The following UVRAG variants were observed in gnomAD, a reference collection of about 807,000 sequenced individuals.
UVRAG encodes the protein UV radiation resistance associated, also known as UV radiation resistance-associated gene protein.
Under a neutral mutation model 78.0 loss-of-function variants are expected in UVRAG, and 19 were observed. The ratio of observed to expected loss-of-function variants is 0.24; its 90% CI spans 0.17 to 0.36. The LOEUF (loss-of-function observed/expected upper bound fraction) is 0.36. Ranked by LOEUF, UVRAG falls within the 10% of genes least tolerant of loss-of-function variation. The probability of loss-of-function intolerance (pLI) is 1.00; values close to 1 mark genes in which losing one functional copy is unlikely to be tolerated. For missense variants in UVRAG, 740 were observed against 853.8 expected, an observed-to-expected ratio of 0.87 and a Z score of 1.66; for synonymous variants, 323 against 324.6, an observed-to-expected ratio of 1.00 and a Z score of 0.05.
intron 12 of UVRAG, 98 bp downstream of exon 12, chr11:76,017,078 C>T: frequency 1.1e-6 from 1 of 878,292 alleles, no homozygotes; most frequent in Non-Finnish European, 1.6e-6. Flanking sequence ...ATTATGACAA[C>T]TTTTATATAA....
chr11:75,882,378 C>T (rs1022895406), intron 4 of UVRAG, among the ~76,000 whole-genome samples: 4 of 151,766 alleles, frequency 2.6e-5, no homozygotes, highest in African/African-American at 9.7e-5. Flanking sequence ...CTGGGCACAG[C>T]GGCATGTGCC....
intron 13 of UVRAG, among the ~76,000 whole-genome samples, chr11:76,088,768 C>T (rs754393502): frequency 2.6e-5 from 4 of 152,222 alleles, no homozygotes; most frequent in Non-Finnish European, 5.9e-5. Flanking sequence ...AACTTCTCTT[C>T]TGTGAAGCCT....
At chr11:75,815,673 G>A in intron 1 of UVRAG, 149 bp downstream of exon 1, 1 of 436,342 alleles carries the variant, frequency 2.3e-6, no homozygotes. Context: ...CAGGAGGTTT[G>A]TGCGGGGAGG....
chr11:75,929,434 G>A (rs530362116), intron 6 of UVRAG, among the ~76,000 whole-genome samples: 3 of 152,220 alleles, frequency 2.0e-5, no homozygotes, highest in East Asian at 1.9e-4. Flanking sequence ...TGTTTTATGA[G>A]TAGGTGCCCA....
chr11:75,892,226 C>A, intron 5 of UVRAG: 1 of 544,062 alleles, frequency 1.8e-6, no homozygotes, highest in Non-Finnish European at 2.3e-6. Context: ...TTAAGCCAGT[C>A]ACACACAGGT....
chr11:75,915,385 C>A (rs1013448311), intron 6 of UVRAG, among the ~76,000 whole-genome samples: 4 of 152,174 alleles, frequency 2.6e-5, no homozygotes, highest in African/African-American at 9.7e-5. Flanking sequence ...CAAAGATTAG[C>A]AGTTCTTTCC....
At chr11:76,097,285 C>T (rs1371978600) in intron 13 of UVRAG, among the ~76,000 whole-genome samples, 1 of 152,188 alleles carries the variant, frequency 6.6e-6, no homozygotes, top group Non-Finnish European at 1.5e-5. Flanking sequence ...TGCTGCTCCT[C>T]TAGTAACCTA....
At chr11:75,829,117 G>A (rs1366572629) in intron 1 of UVRAG, among the ~76,000 whole-genome samples, 2 of 151,970 alleles carry the variant, frequency 1.3e-5, no homozygotes, top group Non-Finnish European at 2.9e-5. Flanking sequence ...CCAACGTCAG[G>A]CTGAAGCATA....
At chr11:75,938,226 A>G (rs578100320) in intron 6 of UVRAG, among the ~76,000 whole-genome samples, 2 of 152,048 alleles carry the variant, frequency 1.3e-5, no homozygotes, top group African/African-American at 2.4e-5. Context: ...AAAATTTTCA[A>G]TGTCACTATA....
rs552764699 is a variant in UVRAG, at chr11:75,816,248, T to C, written c.117+724T>C. ...AAGGGCTTTGAGGACTTCTTGGCTC[T>C]GCGTTGTAGGAAGATAAGAAGGGGG... is the stretch of plus-strand genomic sequence containing the variant. On this transcript the variant is annotated intron_variant, in intron 1 of 14. Transcript: ENST00000356136. 3.6e-4 allele frequency among the ~76,000 whole-genome samples: 55 copies of C among 152,328 alleles called. 1 individual carries two copies. Among genetic ancestry groups the C allele is most frequent in the African/African-American group, 1.3e-3 (54 of 41,582 alleles).
intron 11 of UVRAG, chr11:76,012,905 G>A (rs1345009538): frequency 6.6e-6 from 1 of 151,726 alleles, no homozygotes; most frequent in Non-Finnish European, 1.5e-5. Context: ...ATTTCCTTCT[G>A]TGTCTGTATC....
chr11:76,004,936 C>G (rs138187156), intron 9 of UVRAG, among the ~76,000 whole-genome samples: 1 of 152,174 alleles, frequency 6.6e-6, no homozygotes, highest in East Asian at 1.9e-4. Flanking sequence ...TTTTTTCCAA[C>G]ATATGCTTAA....
rs1231645642 is a variant in UVRAG at position 76,115,977 on chromosome 11, C to A, written c.1359C>A (p.Asn453Lys). The stretch of plus-strand genomic sequence containing the variant: ...CAGACTTGCGGCAAACCCTTCCCAA[C>A]CTGAAAAACTTCATGGAGCATGGAC... ...GTPDLRQTLP[N>K]LKNFMEHGLM... Residue 453 changes from asparagine to lysine, a missense_variant, in exon 14 of 15, where the codon AAC becomes AAA. Physicochemically the swap from Asn to Lys is moderately conservative, Grantham distance 94. Coordinates refer to ENST00000356136, the MANE Select transcript of UVRAG (RefSeq NM_003369.4). 6.2e-7 allele frequency: 1 copy of A among 1,613,944 alleles called. No homozygotes were observed. Among genetic ancestry groups the A allele is most frequent in the African/African-American group, 1.3e-5 (1 of 75,012 alleles).
At chr11:75,827,517 G>A (rs545009928) in intron 1 of UVRAG, among the ~76,000 whole-genome samples, 10 of 151,976 alleles carry the variant, frequency 6.6e-5, no homozygotes, top group Admixed American at 2.0e-4. Flanking sequence ...AGGCTGAGGC[G>A]GGAGAATTGC....
chr11:76,121,211 A>AG (rs1952268304), intron 14 of UVRAG, among the ~76,000 whole-genome samples: 1 of 152,234 alleles, frequency 6.6e-6, no homozygotes, highest in South Asian at 2.1e-4. Flanking sequence ...GACCTGATTA[A>AG]TCCTAAAATG....
chr11:75,978,356 T>C lies in UVRAG; in HGVS notation c.700-5031T>C, dbSNP rs377118951. Among the ~76,000 whole-genome samples the C allele has an allele frequency of 6.0e-4, 92 of 152,314 alleles. 1 individual carries two copies. The highest frequency in any genetic ancestry group is 2.2e-3 in the African/African-American group (90 of 41,568). On this transcript the variant is annotated intron_variant, in intron 7 of 14. Transcript: ENST00000356136. Reference sequence around the variant, plus strand: ...TGACAATTATGTGTCTTGGAGTTGCTCTTCTCGAGGAGTATCTTTGTGGTG... The same window carrying C: ...TGACAATTATGTGTCTTGGAGTTGCCCTTCTCGAGGAGTATCTTTGTGGTG...
chr11:75,973,576 A>C (rs1341622150), intron 7 of UVRAG, among the ~76,000 whole-genome samples: 1 of 151,240 alleles, frequency 6.6e-6, no homozygotes, highest in East Asian at 1.9e-4. Context: ...TTTTTTTTAT[A>C]CTTTAAGTTC....
At chr11:75,900,299 ATT>A (rs1306083748) in intron 5 of UVRAG, among the ~76,000 whole-genome samples, 1 of 152,144 alleles carries the variant, frequency 6.6e-6, no homozygotes. Context: ...TATAGAGGGC[ATT>A]TTTGAGCCTC....
intron 13 of UVRAG, among the ~76,000 whole-genome samples, chr11:76,097,070 G>A (rs1337323476): frequency 6.6e-6 from 1 of 152,160 alleles, no homozygotes; most frequent in Non-Finnish European, 1.5e-5. Context: ...GTGCAAGATG[G>A]TGATGGAGGT....
Sources: gnomAD v4.1 joint callset for allele counts (sites outside exome capture counted in the v4.1 genomes callset) on GRCh38, gnomAD v4.1.1 for gene constraint, MANE v1.5 for transcripts, NCBI Gene and HGNC (gene_info 2026-07-23, HGNC 2026-07-21) for gene names.